DOK6: variants seen among roughly 807,000 people sequenced by gnomAD.
DOK6 encodes docking protein 6.
DOK6 carries 22 observed loss-of-function variants against 44.0 expected under a neutral mutation model. The ratio of observed to expected loss-of-function variants is 0.50; its 90% CI spans 0.36 to 0.71. The LOEUF is 0.71. Ranked by LOEUF, DOK6 falls within the 30% of genes least tolerant of loss-of-function variation. DOK6 has a pLI of 0.00. For synonymous variants in DOK6, 166 were observed against 145.5 expected (o/e 1.14, Z -1.01); for missense variants, 340 against 416.4 (o/e 0.82, Z 1.60).
At chr18:69,713,132 C>T (rs1175509696) in intron 5 of DOK6, among the ~76,000 whole-genome samples, 8 of 152,182 alleles carry the variant, frequency 5.3e-5, no homozygotes, top group Non-Finnish European at 1.0e-4. Flanking sequence ...AGATCACAAT[C>T]TATCCCTAGC....
rs1003869249 is a variant in DOK6, at chr18:69,425,536, A to G, written c.66+24226A>G. Among the ~76,000 whole-genome samples, 18 of 152,002 alleles carry G rather than the reference A, an allele frequency of 1.2e-4. 1 individual carries two copies. The highest frequency in any genetic ancestry group is 4.3e-4 in the African/African-American group (18 of 41,416). On this transcript the variant is annotated intron_variant, in intron 1 of 7. Coordinates refer to ENST00000382713, the MANE Select transcript of DOK6 (RefSeq NM_152721.6). ...TGATATATGTCCTTTTTAAGATCTCACTAAAATGTATTAACTGGAAATTTG... is the reference window on the plus strand; with the variant it reads ...TGATATATGTCCTTTTTAAGATCTCGCTAAAATGTATTAACTGGAAATTTG...
chr18:69,720,588 T>G (rs898899836), intron 5 of DOK6, among the ~76,000 whole-genome samples: 1 of 152,178 alleles, frequency 6.6e-6, no homozygotes, highest in Non-Finnish European at 1.5e-5. Flanking sequence ...TCATCAAATT[T>G]TTTGCCACGA....
chr18:69,811,366 A>G (rs1981219397), intron 7 of DOK6, among the ~76,000 whole-genome samples: 1 of 151,714 alleles, frequency 6.6e-6, no homozygotes, highest in Non-Finnish European at 1.5e-5. Flanking sequence ...ACATAGGAGG[A>G]ACAAGTTCAA....
chr18:69,545,711 T>C (rs1426948346), intron 1 of DOK6, among the ~76,000 whole-genome samples: 1 of 151,238 alleles, frequency 6.6e-6, no homozygotes, highest in Non-Finnish European at 1.5e-5. Context: ...CTATACGAAA[T>C]AAGATAAATT....
intron 1 of DOK6, among the ~76,000 whole-genome samples, chr18:69,509,016 A>G (rs1358773966): frequency 6.6e-6 from 1 of 152,174 alleles, no homozygotes; most frequent in Non-Finnish European, 1.5e-5. Flanking sequence ...TAGAACAATG[A>G]TGTGTATTCC....
chr18:69,822,844 A>C (rs1174032672), intron 7 of DOK6, among the ~76,000 whole-genome samples: 1 of 152,244 alleles, frequency 6.6e-6, no homozygotes, highest in Non-Finnish European at 1.5e-5. Context: ...CCAGTGTGTT[A>C]TAATGAAGTT....
chr18:69,708,000 C>T (rs537509304), intron 5 of DOK6, among the ~76,000 whole-genome samples: 12 of 152,234 alleles, frequency 7.9e-5, no homozygotes, highest in African/African-American at 2.6e-4. Flanking sequence ...AGGCAGAGCA[C>T]GGATGGTTCC....
At chr18:69,775,626 A>C (rs1980039259) in intron 7 of DOK6, among the ~76,000 whole-genome samples, 1 of 151,718 alleles carries the variant, frequency 6.6e-6, no homozygotes. Context: ...TATAGAAAGA[A>C]AAAAGAGTAA....
chr18:69,576,466 G>GA (rs202140033), intron 2 of DOK6, among the ~76,000 whole-genome samples: 2,356 of 152,146 alleles, frequency 0.015, 60 homozygotes, highest in African/African-American at 0.052. Flanking sequence ...AGAGATTTCT[G>GA]AAAAAATAAG....
At chr18:69,793,029 A>G (rs1336209072) in intron 7 of DOK6, among the ~76,000 whole-genome samples, 2 of 152,166 alleles carry the variant, frequency 1.3e-5, no homozygotes, top group Admixed American at 1.3e-4. Context: ...ATAAATATCC[A>G]TATTAGAAAC....
intron 3 of DOK6, among the ~76,000 whole-genome samples, chr18:69,647,902 C>T (rs928582072): frequency 1.3e-4 from 20 of 152,106 alleles, no homozygotes; most frequent in African/African-American, 4.1e-4. Flanking sequence ...ATATGTTAAA[C>T]AGGACCCTGC....
At chr18:69,512,099 C>T (rs1051934732) in intron 1 of DOK6, among the ~76,000 whole-genome samples, 3 of 136,118 alleles carry the variant, frequency 2.2e-5, no homozygotes, top group Non-Finnish European at 4.7e-5. Context: ...CGCACCCCCC[C>T]ACACACAATC....
At chr18:69,637,362 G>C (rs1401244316) in intron 3 of DOK6, among the ~76,000 whole-genome samples, 1 of 152,030 alleles carries the variant, frequency 6.6e-6, no homozygotes, top group Non-Finnish European at 1.5e-5. Flanking sequence ...CATATTAAAA[G>C]GCCTTAAAAA....
intron 2 of DOK6, among the ~76,000 whole-genome samples, chr18:69,570,029 G>A (rs1264051919): frequency 6.6e-6 from 1 of 151,814 alleles, no homozygotes; most frequent in African/African-American, 2.4e-5. Context: ...AACAAACACT[G>A]GGATCTACTT....
intron 1 of DOK6, among the ~76,000 whole-genome samples, chr18:69,530,863 G>T (rs1440024180): frequency 6.6e-6 from 1 of 152,096 alleles, no homozygotes; most frequent in East Asian, 1.9e-4. Context: ...TGACAGTGGG[G>T]TGTTAAAGTC....
intron 7 of DOK6, among the ~76,000 whole-genome samples, chr18:69,833,753 T>G (rs565132864): frequency 1.8e-4 from 28 of 152,248 alleles, no homozygotes; most frequent in African/African-American, 6.7e-4. Context: ...AACTCCTGAA[T>G]AGACATTTCT....
chr18:69,718,230 G>T (rs1199103712), intron 5 of DOK6, among the ~76,000 whole-genome samples: 1 of 152,156 alleles, frequency 6.6e-6, no homozygotes, highest in Non-Finnish European at 1.5e-5. Context: ...GAAGGGGAGA[G>T]TTGGGAAGAC....
chr18:69,839,478 C>T (rs952205966), intron 7 of DOK6, among the ~76,000 whole-genome samples: 3 of 152,098 alleles, frequency 2.0e-5, no homozygotes, highest in Non-Finnish European at 4.4e-5. Flanking sequence ...ACTACCTTAA[C>T]CCATCCTTTA....
intron 1 of DOK6, among the ~76,000 whole-genome samples, chr18:69,407,494 G>A (rs1454286841): frequency 6.6e-6 from 1 of 152,104 alleles, no homozygotes; most frequent in Non-Finnish European, 1.5e-5. Context: ...TCAAGGTCTT[G>A]TAACTTTGTC....
Sources: allele counts gnomAD v4.1 joint callset (sites outside exome capture counted in the v4.1 genomes callset), GRCh38; gene constraint gnomAD v4.1.1; transcripts MANE v1.5; gene names NCBI Gene and HGNC (gene_info 2026-07-23, HGNC 2026-07-21).